The following GIGYF2 variants were observed in gnomAD, a reference collection of about 807,000 sequenced individuals.
The protein encoded by GIGYF2 is GRB10-interacting GYF protein 2.
GIGYF2 carries 25 observed loss-of-function variants against 208.1 expected under a neutral mutation model. The observed-to-expected ratio is 0.12, with a 90% confidence interval of 0.09 to 0.17. GIGYF2 has a LOEUF of 0.17. GIGYF2 is among the 10% of genes least tolerant of loss of function. GIGYF2 has a pLI of 1.00. For missense variants in GIGYF2, 1,302 were observed against 1,579.4 expected (o/e 0.82, Z 2.98); for synonymous variants, 534 against 543.8 (o/e 0.98, Z 0.25).
chr2:232,797,017 T>C (rs74827722), intron 14 of GIGYF2, among the ~76,000 whole-genome samples: 1,563 of 151,938 alleles, frequency 0.01, 14 homozygotes, highest in Non-Finnish European at 0.019. Context: ...TACTCACCTC[T>C]GTGTTTCCGT....
intron 27 of GIGYF2, 22 bp downstream of exon 27, chr2:232,847,593 G>T (rs1490636929): frequency 1.2e-6 from 2 of 1,611,670 alleles, no homozygotes; most frequent in Non-Finnish European, 1.7e-6. Flanking sequence ...TGTGGTGTAT[G>T]CGGTACCTCT....
chr2:232,741,568 A>G (rs542736254), intron 3 of GIGYF2, among the ~76,000 whole-genome samples: 9 of 151,944 alleles, frequency 5.9e-5, no homozygotes, highest in African/African-American at 1.9e-4. Context: ...TCAGGCTCCC[A>G]AGTAGCTGGG....
chr2:232,710,539 T>C (rs1481324582), intron 2 of GIGYF2, among the ~76,000 whole-genome samples: 1 of 152,202 alleles, frequency 6.6e-6, no homozygotes, highest in Non-Finnish European at 1.5e-5. Flanking sequence ...TATTGTTCTG[T>C]CTTCATAGGC....
chr2:232,700,866 T>C (rs1251459335), intron 1 of GIGYF2, among the ~76,000 whole-genome samples: 1 of 152,144 alleles, frequency 6.6e-6, no homozygotes, highest in Non-Finnish European at 1.5e-5. Context: ...TAAAATAAGA[T>C]AAAAAAGTCC....
intron 18 of GIGYF2, 55 bp from the exon 19 acceptor site, chr2:232,815,582 G>A: frequency 1.1e-6 from 1 of 941,034 alleles, no homozygotes; most frequent in Non-Finnish European, 1.8e-6. Flanking sequence ...CTACGGATAT[G>A]TCACCATGTG....
chr2:232,731,500 T>G (rs748391720), intron 2 of GIGYF2, among the ~76,000 whole-genome samples: 1 of 152,220 alleles, frequency 6.6e-6, no homozygotes, highest in Non-Finnish European at 1.5e-5. Context: ...TCAGGATGTT[T>G]AGTATTAAAG....
rs1278982172 is a variant in GIGYF2, at chr2:232,753,231, C to A, written c.268-2992C>A. ...CTCCGCTTCTCGGGTTCAAGTAATT[C>A]TTCTGCCTCAGCCTCCTGAGTAGCT... On this transcript the variant is annotated intron_variant, in intron 5 of 28. Transcript: ENST00000373563. 2.0e-5 allele frequency among the ~76,000 whole-genome samples: 3 copies of A among 151,962 alleles called. No homozygotes were observed. The East Asian group carries it at 5.8e-4, about 29-fold the overall frequency.
At chr2:232,809,912 C>T (rs1700680451) in intron 16 of GIGYF2, 101 bp downstream of exon 16, 1 of 767,424 alleles carries the variant, frequency 1.3e-6, no homozygotes. Context: ...GGACTAACGG[C>T]TTATATGGCA....
Position 232,773,626 on chromosome 2 carries a change from A to G in GIGYF2, c.532+12190A>G, listed in dbSNP as rs113182247. ...AAACTGTCTCAAGTATCTGTATTAA[A>G]CCATTGTTAACTTTGTTCATGATTC... On this transcript the variant is annotated intron_variant, in intron 8 of 28. Coordinates refer to ENST00000373563, the MANE Select transcript of GIGYF2 (RefSeq NM_001103146.3). Among the ~76,000 whole-genome samples the G allele has an allele frequency of 5.8e-3, 884 of 152,232 alleles. 3 individuals carry two copies. Among genetic ancestry groups the G allele is most frequent in the African/African-American group, 0.02 (843 of 41,548 alleles).
chr2:232,730,434 G>A (rs867457484), intron 2 of GIGYF2, among the ~76,000 whole-genome samples: 10 of 151,092 alleles, frequency 6.6e-5, no homozygotes, highest in African/African-American at 2.4e-4. Context: ...GTGAAACCCC[G>A]TCTCTACTGA....
At chr2:232,716,997 A>G (rs1232292661) in intron 2 of GIGYF2, among the ~76,000 whole-genome samples, 1 of 145,294 alleles carries the variant, frequency 6.9e-6, no homozygotes, top group Admixed American at 6.9e-5. Flanking sequence ...TTTTTTTTGT[A>G]GTGATGGGGT....
At chr2:232,697,440 C>T (rs936738889) in intron 1 of GIGYF2, 48 bp downstream of exon 1, 4 of 153,404 alleles carry the variant, frequency 2.6e-5, no homozygotes, top group Middle Eastern at 3.4e-3. Flanking sequence ...TGCTCCGCGC[C>T]CCGGCCCCGC....
At chr2:232,820,649 A>T (rs1701050933) in intron 21 of GIGYF2, among the ~76,000 whole-genome samples, 1 of 152,014 alleles carries the variant, frequency 6.6e-6, no homozygotes. Flanking sequence ...AATGATTTTC[A>T]TGTATGGTAT....
intron 2 of GIGYF2, chr2:232,730,039 G>A (rs1269539454): frequency 5.8e-6 from 5 of 859,668 alleles, no homozygotes; most frequent in African/African-American, 3.3e-5. Context: ...TTATACCAAC[G>A]AAGGGCATAA....
chr2:232,855,791 C>T (rs575784386), intron 28 of GIGYF2, among the ~76,000 whole-genome samples: 1 of 152,056 alleles, frequency 6.6e-6, no homozygotes, highest in Non-Finnish European at 1.5e-5. Context: ...CATGGTAACC[C>T]CCCTGCCCAC....
intron 1 of GIGYF2, chr2:232,700,585 A>G (rs1695798762): frequency 6.6e-6 from 1 of 152,176 alleles, no homozygotes; most frequent in South Asian, 2.1e-4. Flanking sequence ...TTTCTTATAG[A>G]TTATAGTGGG....
At chr2:232,763,861 G>T (rs1698842833) in intron 8 of GIGYF2, among the ~76,000 whole-genome samples, 1 of 151,974 alleles carries the variant, frequency 6.6e-6, no homozygotes, top group Non-Finnish European at 1.5e-5. Flanking sequence ...TGTGAATGTG[G>T]TCTCTGTCTC....
intron 19 of GIGYF2, 180 bp downstream of exon 19, chr2:232,815,917 TCAAAA>T (rs1053148668): frequency 1.9e-5 from 11 of 584,826 alleles, no homozygotes; most frequent in African/African-American, 1.5e-4. Flanking sequence ...AAAAAAAAAC[TCAAAA>T]CAGAATTTAA....
chr2:232,729,995 G>A (rs74936065), intron 2 of GIGYF2: 40 of 740,782 alleles, frequency 5.4e-5, no homozygotes, highest in African/African-American at 4.7e-4. Context: ...CTCCTGGAAG[G>A]CTGGCCTTTT....
Sources: gnomAD v4.1 joint callset for allele counts (sites outside exome capture counted in the v4.1 genomes callset) on GRCh38, gnomAD v4.1.1 for gene constraint, MANE v1.5 for transcripts, NCBI Gene and HGNC (gene_info 2026-07-23, HGNC 2026-07-21) for gene names.